Variants in JARID2 observed in about 807,000 individuals in gnomAD.
The protein encoded by JARID2 is jumonji and AT-rich interaction domain containing 2, also known as protein Jumonji.
Under a neutral mutation model 125.6 loss-of-function variants are expected in JARID2, and 21 were observed. The ratio of observed to expected loss-of-function variants is 0.17; its 90% CI spans 0.12 to 0.24. The LOEUF (loss-of-function observed/expected upper bound fraction) is 0.24, where lower values mean the gene tolerates loss of function less well. Ranked by LOEUF, JARID2 falls within the 10% of genes least tolerant of loss-of-function variation. The pLI is 1.00. For missense variants in JARID2, 1,303 were observed against 1,639.6 expected, an observed-to-expected ratio of 0.79 and a Z score of 3.55; for synonymous variants, 736 against 661.6, an observed-to-expected ratio of 1.11 and a Z score of -1.73.
chr6:15,254,148 C>G (rs1210248372), intron 1 of JARID2, among the ~76,000 whole-genome samples: 1 of 152,140 alleles, frequency 6.6e-6, no homozygotes, highest in Non-Finnish European at 1.5e-5. Flanking sequence ...TGGAGCTACC[C>G]CCTTATACCC....
intron 1 of JARID2, among the ~76,000 whole-genome samples, chr6:15,253,802 G>A (rs1298484418): frequency 6.6e-6 from 1 of 152,152 alleles, no homozygotes. Context: ...TGTGAAGAGA[G>A]GACTCAGTCA....
At chr6:15,343,119 C>T (rs1763123606) in intron 1 of JARID2, among the ~76,000 whole-genome samples, 1 of 150,666 alleles carries the variant, frequency 6.6e-6, no homozygotes, top group Non-Finnish European at 1.5e-5. Context: ...ATCGCAGCTA[C>T]TTGGGAGGCT....
At chr6:15,336,367 ATGTT>A (rs1330880650) in intron 1 of JARID2, among the ~76,000 whole-genome samples, 1 of 152,262 alleles carries the variant, frequency 6.6e-6, no homozygotes, top group African/African-American at 2.4e-5. Flanking sequence ...CTAAGATTAA[ATGTT>A]TGTGGCTTTT....
Position 15,487,494 on chromosome 6 carries a change from C to T in JARID2, c.858C>T (p.Thr286=), listed in dbSNP as rs1769934586. 6.2e-7 allele frequency: 1 copy of T among 1,614,038 alleles called. No homozygotes were observed. Among genetic ancestry groups the T allele is most frequent in the African/African-American group, 1.3e-5 (1 of 75,052 alleles). ...TGSSAKGLAA[T]HHHPPLHRSA... The stretch of plus-strand genomic sequence containing the variant: ...CCTCGGCCAAGGGGCTTGCTGCCAC[C>T]CATCACCACCCCCCTCTGCATCGGT... The change falls in exon 6 of 18, where the codon ACC becomes ACT. Residue 286 remains threonine, a synonymous_variant. Coordinates refer to ENST00000341776, the MANE Select transcript of JARID2 (RefSeq NM_004973.4).
At chr6:15,383,724 C>T (rs886801025) in intron 2 of JARID2, among the ~76,000 whole-genome samples, 5 of 152,108 alleles carry the variant, frequency 3.3e-5, no homozygotes, top group Admixed American at 1.3e-4. Context: ...GGTGTAATTG[C>T]CCATTTAGCA....
At chr6:15,312,159 A>C (rs1287778799) in intron 1 of JARID2, among the ~76,000 whole-genome samples, 1 of 152,148 alleles carries the variant, frequency 6.6e-6, no homozygotes, top group Non-Finnish European at 1.5e-5. Context: ...AGGTTCAAGC[A>C]GTTCCCTTCC....
At chr6:15,415,327 G>T (rs935413409) in intron 3 of JARID2, among the ~76,000 whole-genome samples, 2 of 152,186 alleles carry the variant, frequency 1.3e-5, no homozygotes, top group Non-Finnish European at 2.9e-5. Context: ...ATGAGCTGCC[G>T]GCTACACCTC....
At chr6:15,283,220 T>C (rs541760343) in intron 1 of JARID2, among the ~76,000 whole-genome samples, 2,894 of 140,408 alleles carry the variant, frequency 0.021, 54 homozygotes, top group East Asian at 0.041. Context: ...CCTTGTGATC[T>C]GCCCACCTTG....
rs77174376 is a variant in JARID2, at chr6:15,467,146, T to C, written c.494-1396T>C. On this transcript the variant is annotated intron_variant, in intron 4 of 17. Coordinates refer to ENST00000341776, the MANE Select transcript of JARID2 (RefSeq NM_004973.4). The stretch of plus-strand genomic sequence containing the variant: ...GAAGGTCCCACATAGTCTTTGCATT[T>C]TGGGGAGATGGGTGCTTGGTTTGCC... Among the ~76,000 whole-genome samples the C allele has an allele frequency of 9.8e-5, 15 of 152,362 alleles. No homozygotes were observed. The East Asian group carries it at 2.9e-3, about 29-fold the overall frequency.
intron 3 of JARID2, among the ~76,000 whole-genome samples, chr6:15,437,810 AAAAG>A (rs536287647): frequency 2.6e-5 from 4 of 152,110 alleles, no homozygotes; most frequent in African/African-American, 4.8e-5. Context: ...CTCAAAAAAA[AAAAG>A]AAAGAATTTA....
chr6:15,293,175 T>C (rs1020598190), intron 1 of JARID2, among the ~76,000 whole-genome samples: 1 of 152,242 alleles, frequency 6.6e-6, no homozygotes, highest in African/African-American at 2.4e-5. Context: ...TTATGCCAAG[T>C]TGCAGTAGTC....
chr6:15,345,948 T>C (rs758611461), intron 1 of JARID2, among the ~76,000 whole-genome samples: 1 of 152,218 alleles, frequency 6.6e-6, no homozygotes, highest in East Asian at 1.9e-4. Flanking sequence ...TTAGCTTTTC[T>C]TTCATGGAGT....
At position 15,463,425 on chromosome 6, in the gene JARID2, C is replaced by CT. The variant is rs745347518; in HGVS notation, c.494-5097dup. 4.8e-3 allele frequency among the ~76,000 whole-genome samples: 424 copies of CT among 88,452 alleles called. 4 individuals are homozygous for CT. Among genetic ancestry groups the CT allele is most frequent in the African/African-American group, 0.02 (400 of 20,152 alleles). 58.0% of individuals were successfully genotyped at this position (88,452 alleles called of 152,430 possible). ...TCATGTGGGGTTGTGGAGCCCTTTC[C>CT]TTTTTTTTTTTTTTTTTTTTCCGAG... On this transcript the variant is annotated intron_variant, in intron 4 of 17. Coordinates refer to ENST00000341776, the MANE Select transcript of JARID2 (RefSeq NM_004973.4).
At chr6:15,483,492 G>A (rs539480691) in intron 5 of JARID2, among the ~76,000 whole-genome samples, 7 of 151,870 alleles carry the variant, frequency 4.6e-5, no homozygotes, top group Non-Finnish European at 8.8e-5. Flanking sequence ...TAAAGTACCC[G>A]TGATTTCACC....
At chr6:15,385,202 A>G (rs973659801) in intron 2 of JARID2, among the ~76,000 whole-genome samples, 1 of 152,162 alleles carries the variant, frequency 6.6e-6, no homozygotes, top group African/African-American at 2.4e-5. Flanking sequence ...TAAATACACA[A>G]AGCATACTCT....
Position 15,492,452 on chromosome 6 carries a change from T to C in JARID2, c.907-3680T>C, listed in dbSNP as rs569554415. On this transcript the variant is annotated intron_variant, in intron 6 of 17. Coordinates refer to ENST00000341776, the MANE Select transcript of JARID2 (RefSeq NM_004973.4). ...TGGTTTTAATTGATACAGAGGTGGG[T>C]TGAGGGAGACCTTCGGTAACAAGGT... Among the ~76,000 whole-genome samples, 4 of 152,258 alleles carry C rather than the reference T, an allele frequency of 2.6e-5. No homozygotes were observed. The East Asian group carries it at 7.7e-4, about 29-fold the overall frequency.
chr6:15,313,153 C>T (rs1414845131), intron 1 of JARID2, among the ~76,000 whole-genome samples: 1 of 152,170 alleles, frequency 6.6e-6, no homozygotes. Flanking sequence ...CTGTCCTCTG[C>T]TTCCTGATCT....
At chr6:15,443,438 T>C (rs1193945256) in intron 3 of JARID2, among the ~76,000 whole-genome samples, 1 of 152,164 alleles carries the variant, frequency 6.6e-6, no homozygotes, top group African/African-American at 2.4e-5. Flanking sequence ...ATTTTTGGAA[T>C]TGTGATATCT....
intron 2 of JARID2, among the ~76,000 whole-genome samples, chr6:15,391,382 T>C (rs1037961691): frequency 2.0e-5 from 3 of 152,148 alleles, no homozygotes; most frequent in Admixed American, 6.5e-5. Flanking sequence ...TGAGGAGCCC[T>C]AGCAGAGAGT....
Sources: gnomAD v4.1 joint callset for allele counts (sites outside exome capture counted in the v4.1 genomes callset) on GRCh38, gnomAD v4.1.1 for gene constraint, MANE v1.5 for transcripts, NCBI Gene and HGNC (gene_info 2026-07-23, HGNC 2026-07-21) for gene names.